The following DYNC2H1 variants were observed in gnomAD, a reference collection of about 807,000 sequenced individuals.
DYNC2H1 encodes the protein cytoplasmic dynein 2 heavy chain 1.
A neutral mutation model predicts 570.0 loss-of-function variants in DYNC2H1; 410 were observed. That is an observed-to-expected ratio of 0.72 (90% CI 0.66 to 0.78). The LOEUF is 0.78. Ranked by LOEUF, DYNC2H1 falls within the 30% of genes least tolerant of loss-of-function variation. DYNC2H1 has a pLI of 0.00. For synonymous variants in DYNC2H1, 1,688 were observed against 1,677.6 expected, an observed-to-expected ratio of 1.01 and a Z score of -0.15; for missense variants, 4,865 against 5,046.4, an observed-to-expected ratio of 0.96 and a Z score of 1.09.
intron 82 of DYNC2H1, among the ~76,000 whole-genome samples, chr11:103,354,181 CAAA>C (rs71465391): frequency 2.6e-5 from 3 of 117,236 alleles, no homozygotes; most frequent in African/African-American, 6.8e-5. Context: ...TGTCTCAAAA[CAAA>C]AAAAAAAAAA....
chr11:103,133,869 A>G lies in DYNC2H1; in HGVS notation c.2106+162A>G, dbSNP rs1436901722. On this transcript the variant is annotated intron_variant, in intron 14 of 88. Coordinates refer to ENST00000375735, the MANE Select transcript of DYNC2H1 (RefSeq NM_001377.3). The surrounding 1 kb of genome is among the most constrained non-coding windows in gnomAD (Gnocchi z 4.8). ...CCATTTGCCCAAATTCCCTGTTGTT[A>G]ACAACTTATATAACCGGAGTAGTTA... Among the ~76,000 whole-genome samples, 3 of 152,330 alleles carry G rather than the reference A, an allele frequency of 2.0e-5. No individual in the cohort carries two copies. The highest frequency in any genetic ancestry group is 6.8e-3 in the Middle Eastern group (2 of 294).
At chr11:103,136,729 G>A (rs1349360944) in intron 17 of DYNC2H1, among the ~76,000 whole-genome samples, 2 of 151,956 alleles carry the variant, frequency 1.3e-5, no homozygotes, top group African/African-American at 4.8e-5. Flanking sequence ...ATAGTCCTTT[G>A]GGTATATACC....
At position 103,234,083 on chromosome 11, in the gene DYNC2H1, A is replaced by G. The variant is rs770853749; in HGVS notation, c.9490A>G (p.Lys3164Glu). Residue 3164 changes from lysine (K) to glutamate (E), a missense_variant, in exon 61 of 89, where the codon AAG (lysine) becomes GAG (glutamate). Lys to Glu is a moderately conservative substitution (Grantham distance 56). Transcript: ENST00000375735. ...TGCCAAACTTGAGGCTGAAGTAAGCAAGGCACAAGAAACAATCAAAGCTGC... is the reference window on the plus strand; with the variant it reads ...TGCCAAACTTGAGGCTGAAGTAAGCGAGGCACAAGAAACAATCAAAGCTGC... Reference protein sequence around the residue: ...EAAKLEAEVSKAQETIKAAEV... With the variant: ...EAAKLEAEVSEAQETIKAAEV... 5.7e-6 allele frequency: 9 copies of G among 1,567,460 alleles called. No individual in the cohort carries two copies. In the South Asian group the frequency reaches 1.1e-4, roughly 18 times the overall value.
In DYNC2H1 at chr11:103,156,504, A is replaced by G. The variant is rs371741549; in HGVS notation, c.3861A>G (p.Arg1287=). The change falls in exon 26 of 89, where the codon CGA becomes CGG. Residue 1287 remains arginine (R), a synonymous_variant. Coordinates refer to ENST00000375735, the MANE Select transcript of DYNC2H1 (RefSeq NM_001377.3). ...TLIDYEDSQS[R]TMKLIKDWKD... is the part of the protein sequence containing the mutation. ...TTGATTATGAAGACAGCCAAAGTCG[A>G]ACTATGAAGCTGATTAAAGACTGGA... 4.3e-6 allele frequency: 7 copies of G among 1,613,682 alleles called. No individual in the cohort carries two copies. In the African/African-American group the frequency reaches 9.3e-5, roughly 22 times the overall value.
chr11:103,224,756 G>T (rs1181073838), intron 59 of DYNC2H1, among the ~76,000 whole-genome samples: 2 of 152,070 alleles, frequency 1.3e-5, no homozygotes, highest in African/African-American at 4.8e-5. Flanking sequence ...TTTCCTCTGG[G>T]TAGATACCTA....
intron 82 of DYNC2H1, among the ~76,000 whole-genome samples, chr11:103,336,887 T>C (rs1264808582): frequency 6.6e-6 from 1 of 151,982 alleles, no homozygotes; most frequent in Non-Finnish European, 1.5e-5. Context: ...ACTGATTTCC[T>C]TTTTTTTGGA....
chr11:103,379,243 C>T (rs1941537406), intron 83 of DYNC2H1, among the ~76,000 whole-genome samples: 1 of 152,224 alleles, frequency 6.6e-6, no homozygotes, highest in African/African-American at 2.4e-5. Flanking sequence ...TGCCCCAACA[C>T]TTTCTTTCTG....
intron 84 of DYNC2H1, among the ~76,000 whole-genome samples, chr11:103,412,530 T>G (rs888989695): frequency 1.3e-5 from 2 of 152,146 alleles, no homozygotes; most frequent in African/African-American, 4.8e-5. Context: ...TTAGTAGAAA[T>G]TAATAGGTTG....
At chr11:103,436,583 GT>G (rs1944069739) in intron 85 of DYNC2H1, among the ~76,000 whole-genome samples, 1 of 152,038 alleles carries the variant, frequency 6.6e-6, no homozygotes, top group African/African-American at 2.4e-5. Flanking sequence ...AGAGCCTTTT[GT>G]TTTAACCACA....
rs949886687 is a variant in DYNC2H1, at chr11:103,286,202, A to G, written c.10891-53A>G. On this transcript the variant is annotated intron_variant, in intron 73 of 88. Transcript: ENST00000375735. ...TTTTAGTTTTTTTAAAAATAAATGT[A>G]TGTGCTTATATTTGCTTATAGCTCA... is the stretch of plus-strand genomic sequence containing the variant. The G allele has an allele frequency of 3.2e-6, 5 of 1,584,860 alleles. No individual in the cohort carries two copies. The South Asian group carries it at 4.7e-5, about 15-fold the overall frequency.
At position 103,122,815 on chromosome 11, in the gene DYNC2H1, G is replaced by A. The variant is rs1212775314; in HGVS notation, c.1486-10G>A. On this transcript the variant is annotated splice_polypyrimidine_tract_variant and intron_variant, in intron 10 of 88. Transcript: ENST00000375735. ...AAATAATGCACATGTCTGTAATTTG[G>A]CTTTTTAAGGTAGATGATACTATCA... 1.2e-6 allele frequency: 2 copies of A among 1,607,820 alleles called. No homozygotes were observed. Among genetic ancestry groups the A allele is most frequent in the Non-Finnish European group, 1.7e-6 (2 of 1,176,440 alleles).
In DYNC2H1 at chr11:103,253,372, C is replaced by CTT; in HGVS notation, c.10133_10134dup (p.Ile3379LeufsTer27). On this transcript the variant is annotated frameshift_variant, in exon 66 of 89. Transcript: ENST00000375735. LOFTEE classifies it high-confidence loss of function. ...TTTTTGTCAACAAGAAACCCAAATC[C>CTT]TTTTATTCCACCGGATGCAGCTTCC... 1 of 1,613,276 alleles carries CTT rather than the reference C, an allele frequency of 6.2e-7. No homozygotes were observed. The highest frequency in any genetic ancestry group is 2.2e-5 in the East Asian group (1 of 44,812).
rs1390296624 is a variant in DYNC2H1 at position 103,334,245 on chromosome 11, A to G, written c.12039+10255A>G. 1.3e-5 allele frequency among the ~76,000 whole-genome samples: 2 copies of G among 152,178 alleles called. No homozygotes were observed. The highest frequency in any genetic ancestry group is 1.3e-4 in the Admixed American group (2 of 15,276). On this transcript the variant is annotated intron_variant, in intron 82 of 88. Transcript: ENST00000375735. This position sits in a 1 kb window ranked among gnomAD's most constrained non-coding sequence, Gnocchi z 4.3. Reference sequence around the variant, plus strand: ...CACAATAATCTATTCTAGTCTCTTCACCAGGTAGCTGTGTGACTAGTAAAA... The same window carrying G: ...CACAATAATCTATTCTAGTCTCTTCGCCAGGTAGCTGTGTGACTAGTAAAA...
intron 81 of DYNC2H1, among the ~76,000 whole-genome samples, chr11:103,322,409 C>A (rs1220322607): frequency 6.6e-6 from 1 of 152,044 alleles, no homozygotes; most frequent in African/African-American, 2.4e-5. Context: ...TGAGTGTAGC[C>A]AGTTCTGGGG....
At position 103,286,265 on chromosome 11, in the gene DYNC2H1, C is replaced by G; in HGVS notation, c.10901C>G (p.Pro3634Arg). Residue 3634 changes from proline (P) to arginine (R), a missense_variant, in exon 74 of 89, where the codon CCC becomes CGC. By Grantham distance (103) the Pro-to-Arg change is moderately radical. Transcript: ENST00000375735. ...ATTTTTATTTTTTAGATTGCTCTCC[C>G]CAGTCTTTATCAGACCCTCTGCTTT... Reference protein sequence around the residue: ...WAVATLKIALPSLYQTLCFED... With the variant: ...WAVATLKIALRSLYQTLCFED... The G allele has an allele frequency of 1.2e-6, 2 of 1,613,428 alleles. No individual in the cohort carries two copies. Among genetic ancestry groups the G allele is most frequent in the South Asian group, 1.1e-5 (1 of 90,958 alleles).
chr11:103,137,588 C>T (rs945246202), intron 17 of DYNC2H1, among the ~76,000 whole-genome samples: 28 of 152,182 alleles, frequency 1.8e-4, no homozygotes, highest in African/African-American at 6.5e-4. Flanking sequence ...TGATCTATAT[C>T]TCTGTTTTGG....
chr11:103,458,605 A>T (rs888262306), intron 87 of DYNC2H1, among the ~76,000 whole-genome samples: 5 of 150,636 alleles, frequency 3.3e-5, no homozygotes, highest in South Asian at 2.1e-4. Flanking sequence ...TTAACAGTTT[A>T]AAAAAAAAGC....
rs1424060080 is a variant in DYNC2H1 at position 103,369,393 on chromosome 11, T to G, written c.12156+11034T>G. ...TGAAAAGCAGTCCAGGCCACAAGGA[T>G]TTCAATTCCTATGTGAGTAATGCTG... On this transcript the variant is annotated intron_variant, in intron 83 of 88. Transcript: ENST00000375735. The surrounding 1 kb of genome is among the most constrained non-coding windows in gnomAD (Gnocchi z 4.0). Among the ~76,000 whole-genome samples, 1 of 152,114 alleles carries G rather than the reference T, an allele frequency of 6.6e-6. No individual in the cohort carries two copies. Among genetic ancestry groups the G allele is most frequent in the Non-Finnish European group, 1.5e-5 (1 of 68,032 alleles).
intron 84 of DYNC2H1, among the ~76,000 whole-genome samples, chr11:103,427,889 A>T (rs1243320965): frequency 6.6e-6 from 1 of 152,066 alleles, no homozygotes; most frequent in Non-Finnish European, 1.5e-5. Flanking sequence ...AAAACTGTAC[A>T]CATTTTGAGT....
Sources: gnomAD v4.1 joint callset for allele counts (sites outside exome capture counted in the v4.1 genomes callset) on GRCh38, gnomAD v4.1.1 for gene constraint, Gnocchi (gnomAD v3.1) non-coding constraint, MANE v1.5 for transcripts, NCBI Gene and HGNC (gene_info 2026-07-23, HGNC 2026-07-21) for gene names.